Variants in PER3 observed in about 807,000 individuals in gnomAD.
PER3 encodes period circadian protein homolog 3.
In PER3, 107 loss-of-function variants were observed where a neutral mutation model predicts 127.2. That is an observed-to-expected ratio of 0.84 (90% CI 0.72 to 0.99). PER3 has a LOEUF of 0.99. Ranked by LOEUF, PER3 falls within the 50% of genes least tolerant of loss-of-function variation. The pLI is 0.00. For missense variants in PER3, 1,560 were observed against 1,525.8 expected, an observed-to-expected ratio of 1.02 and a Z score of -0.37; for synonymous variants, 618 against 585.8, an observed-to-expected ratio of 1.05 and a Z score of -0.79.
chr1:7,799,232 G>A (rs1007050813), intron 7 of PER3, among the ~76,000 whole-genome samples: 1 of 152,074 alleles, frequency 6.6e-6, no homozygotes, highest in African/African-American at 2.4e-5. Flanking sequence ...AAACCACAGG[G>A]CTTATGGGAA....
intron 21 of PER3, among the ~76,000 whole-genome samples, chr1:7,841,168 A>G (rs1435093868): frequency 1.3e-5 from 2 of 152,196 alleles, no homozygotes; most frequent in Non-Finnish European, 2.9e-5. Flanking sequence ...GTTTTAAGAA[A>G]GTTTATGAAT....
intron 10 of PER3, among the ~76,000 whole-genome samples, chr1:7,804,813 C>T (rs12141043): frequency 0.024 from 3,626 of 151,876 alleles, 73 homozygotes; most frequent in Non-Finnish European, 0.036. Flanking sequence ...GAGACCAGCC[C>T]GGCCCACAAC....
In PER3 at chr1:7,809,923, G is replaced by A. The variant is rs764618698; in HGVS notation, c.1273G>A (p.Gly425Arg). The A allele has an allele frequency of 6.8e-6, 11 of 1,614,022 alleles. No homozygotes were observed. The highest frequency in any genetic ancestry group is 3.3e-5 in the South Asian group (3 of 91,078). Residue 425 changes from glycine (G) to arginine (R), a missense_variant, in exon 12 of 22, where the codon GGG becomes AGG. By Grantham distance (125) the Gly-to-Arg change is moderately radical (BLOSUM62 -2). Coordinates refer to ENST00000377532, the MANE Select transcript of PER3 (RefSeq NM_001377275.1). The part of the protein sequence containing the change: ...PVHVSVSSGY[G>R]SLGSSGSQEQ... ...TCACGTGAGCGTGTCCAGCGGCTAC[G>A]GGAGCCTGGGGAGCAGCGGGTCGCA...
rs2097269912 is a variant in PER3 at position 7,820,241 on chromosome 1, TAAC to T, written c.1783+5_1783+7del. The T allele has an allele frequency of 6.2e-7, 1 of 1,610,902 alleles. No homozygotes were observed. Among genetic ancestry groups the T allele is most frequent in the African/African-American group, 1.3e-5 (1 of 74,816 alleles). On this transcript the variant is annotated splice_donor_5th_base_variant and intron_variant, in intron 15 of 21. Transcript: ENST00000377532. Reference sequence around the variant, plus strand: ...CAGATGATGTCCAAGCCTTACAAGGTAACAAGAATGCCCCTCAGAGTTAAATTC... The same window carrying T: ...CAGATGATGTCCAAGCCTTACAAGGTAAGAATGCCCCTCAGAGTTAAATTC...
rs569791494 is a variant in PER3, at chr1:7,822,023, G to A, written c.1957+1383G>A. ...TTGCCCAATATGACACAGCCCATGA[G>A]TAGTAGAGTAGGGAATCAAGTATTG... is the stretch of plus-strand genomic sequence containing the variant. On this transcript the variant is annotated intron_variant, in intron 16 of 21. Transcript: ENST00000377532. 1.6e-4 allele frequency among the ~76,000 whole-genome samples: 25 copies of A among 152,314 alleles called. No individual in the cohort carries two copies. The East Asian group carries it at 4.4e-3, about 27-fold the overall frequency.
chr1:7,823,607 A>G (rs547630348), intron 16 of PER3, among the ~76,000 whole-genome samples: 2 of 151,802 alleles, frequency 1.3e-5, no homozygotes, highest in South Asian at 4.2e-4. Context: ...GCGCCATTGC[A>G]CTCCACACTT....
In PER3 at chr1:7,810,580, ATGG is replaced by A; in HGVS notation, c.1522+1_1522+3del. ...CCGAATGGTGGTGGTGAGTCAGCGAATGGTGGTGGTGAGTCAGCCGGCAGCCCC... is the reference window on the plus strand; with the variant it reads ...CCGAATGGTGGTGGTGAGTCAGCGAATGGTGGTGAGTCAGCCGGCAGCCCC... On this transcript the variant is annotated inframe_deletion, in exon 13 of 22. Coordinates refer to ENST00000377532, the MANE Select transcript of PER3 (RefSeq NM_001377275.1). 6.2e-7 allele frequency: 1 copy of A among 1,609,618 alleles called. No homozygotes were observed. The highest frequency in any genetic ancestry group is 8.5e-7 in the Non-Finnish European group (1 of 1,178,370).
chr1:7,807,341 C>G (rs924426737), intron 10 of PER3, among the ~76,000 whole-genome samples: 7 of 152,154 alleles, frequency 4.6e-5, no homozygotes, highest in African/African-American at 1.7e-4. Flanking sequence ...TGCAGCTGTT[C>G]CACTGTGATG....
chr1:7,827,334 A>G lies in PER3; in HGVS notation c.2405A>G (p.Gln802Arg). The G allele has an allele frequency of 6.2e-7, 1 of 1,613,904 alleles. No homozygotes were observed. Among genetic ancestry groups the G allele is most frequent in the Non-Finnish European group, 8.5e-7 (1 of 1,179,946 alleles). ...CCACCTGCCGCCATGGTGCCCAGCC[A>G]GGCCCCTTACCTCGTCCCAGCTTTT... ...TFPPAAMVPS[Q>R]APYLVPAFPL... The change falls in exon 18 of 22, where the codon CAG becomes CGG. Residue 802 changes from glutamine to arginine, a missense_variant. Physicochemically the swap from Gln to Arg is conservative, Grantham distance 43. Transcript: ENST00000377532.
chr1:7,817,137 A>G (rs2097255164), intron 13 of PER3, among the ~76,000 whole-genome samples: 1 of 152,216 alleles, frequency 6.6e-6, no homozygotes, highest in South Asian at 2.1e-4. Context: ...ACAGATCAGT[A>G]TTTACTATGA....
At chr1:7,802,994 G>A (rs2150710938) in intron 8 of PER3, 53 bp from the exon 9 acceptor site, 1 of 915,608 alleles carries the variant, frequency 1.1e-6, no homozygotes, top group Non-Finnish European at 1.8e-6. Flanking sequence ...TTTTAAAAGT[G>A]TATAAGAATT....
At chr1:7,828,491 A>G (rs1338983857) in intron 18 of PER3, among the ~76,000 whole-genome samples, 1 of 152,228 alleles carries the variant, frequency 6.6e-6, no homozygotes, top group Non-Finnish European at 1.5e-5. Context: ...GAATATTTAC[A>G]CAGATTTTTC....
chr1:7,798,490 G>T (rs182446747), intron 6 of PER3, 35 bp from the exon 7 acceptor site: 6 of 1,582,190 alleles, frequency 3.8e-6, no homozygotes, highest in Admixed American at 1.7e-5. Context: ...AGTAGGGTGC[G>T]TCAGGACCAG....
intron 6 of PER3, among the ~76,000 whole-genome samples, chr1:7,796,351 CTG>C (rs1404243146): frequency 8.4e-6 from 1 of 118,944 alleles, no homozygotes; most frequent in East Asian, 2.5e-4. Context: ...CAGGATCTCA[CTG>C]TGTCCCCCAA....
chr1:7,792,294 A>G (rs1240334256), intron 5 of PER3, among the ~76,000 whole-genome samples: 2 of 152,070 alleles, frequency 1.3e-5, no homozygotes, highest in Non-Finnish European at 2.9e-5. Context: ...ATGAGCTCTC[A>G]TGAGAACTCA....
intron 3 of PER3, among the ~76,000 whole-genome samples, chr1:7,786,424 C>T (rs1206045081): frequency 6.6e-6 from 1 of 152,144 alleles, no homozygotes; most frequent in South Asian, 2.1e-4. Context: ...TCCTGAATGA[C>T]AGAGTACTGT....
rs1298214603 is a variant in PER3, at chr1:7,803,736, C to T, written c.1024C>T (p.Arg342Ter). 8 of 1,608,522 alleles carry T rather than the reference C, an allele frequency of 5.0e-6. No individual in the cohort carries two copies. Among genetic ancestry groups the T allele is most frequent in the African/African-American group, 2.7e-5 (2 of 74,796 alleles). The change falls in exon 10 of 22, where the codon CGA becomes TGA. Residue 342 changes from arginine to a stop codon, truncating the protein, a stop_gained. Coordinates refer to ENST00000377532, the MANE Select transcript of PER3 (RefSeq NM_001377275.1). LOFTEE classifies it high-confidence loss of function. ...TCCTCCCTTTGAACATTCTCCCATT[C>T]GATTTTGTACTCAAAACGGAGACTA... ...GHPPFEHSPI[R>*]FCTQNGDYII...
chr1:7,796,743 C>T (rs1021591759), intron 6 of PER3, among the ~76,000 whole-genome samples: 2 of 151,948 alleles, frequency 1.3e-5, no homozygotes, highest in Admixed American at 6.6e-5. Context: ...GCCAGCGTTC[C>T]GGGGGGAGGT....
At position 7,830,567 on chromosome 1, in the gene PER3, C is replaced by T. The variant is rs2097326774; in HGVS notation, c.3214+406C>T. Among the ~76,000 whole-genome samples the T allele has an allele frequency of 5.9e-5, 9 of 152,128 alleles. 1 individual carries two copies. The highest frequency in any genetic ancestry group is 5.9e-4 in the Admixed American group (9 of 15,272). ...CAGACAGTATGCTGTCTTTCGTATT[C>T]GGATTCTTTCAGTTAGCATGATGCT... On this transcript the variant is annotated intron_variant, in intron 19 of 21. Transcript: ENST00000377532.
Sources: gnomAD v4.1 joint callset for allele counts (sites outside exome capture counted in the v4.1 genomes callset) on GRCh38, gnomAD v4.1.1 for gene constraint, MANE v1.5 for transcripts, NCBI Gene and HGNC (gene_info 2026-07-23, HGNC 2026-07-21) for gene names.